Variants in CEP128 observed in about 807,000 individuals in gnomAD.
CEP128 encodes centrosomal protein 128.
CEP128 carries 132 observed loss-of-function variants against 156.7 expected under a neutral mutation model. That is an observed-to-expected ratio of 0.84 (90% CI 0.73 to 0.97). The LOEUF (loss-of-function observed/expected upper bound fraction) is 0.97, where lower values mean the gene tolerates loss of function less well. CEP128 is among the 50% of genes least tolerant of loss of function. The probability of loss-of-function intolerance (pLI) is 0.00; values close to 1 mark genes in which losing one functional copy is unlikely to be tolerated. For missense variants in CEP128, 1,252 were observed against 1,281.9 expected (o/e 0.98, Z 0.36); for synonymous variants, 469 against 448.9 (o/e 1.04, Z -0.57).
chr14:80,701,628 G>A (rs983012216), intron 19 of CEP128, among the ~76,000 whole-genome samples: 2 of 152,080 alleles, frequency 1.3e-5, no homozygotes, highest in African/African-American at 4.8e-5. Flanking sequence ...AGACTAAAAG[G>A]GACCGCTTGA....
chr14:80,571,745 G>C (rs1891146680), intron 20 of CEP128, among the ~76,000 whole-genome samples: 1 of 150,916 alleles, frequency 6.6e-6, no homozygotes, highest in Non-Finnish European at 1.5e-5. Context: ...TGACGAAGAA[G>C]GAAAAAAAAT....
rs1434195784 is a variant in CEP128 at position 80,785,306 on chromosome 14, C to A, written c.1800G>T (p.Lys600Asn). The part of the protein sequence containing the change: ...RLESELKKQS[K>N]IQSQMKVEKA... Reference sequence around the variant, plus strand: ...TCTCAACTTTCATCTGGCTTTGGATCTTACTCTGCTTTTTCAATTCGCTCT... The same window carrying A: ...TCTCAACTTTCATCTGGCTTTGGATATTACTCTGCTTTTTCAATTCGCTCT... The change falls in exon 15 of 25, where the codon AAG (lysine) becomes AAT (asparagine). Residue 600 changes from lysine to asparagine, a missense_variant. Lys to Asn is a moderately conservative substitution (Grantham distance 94). Transcript: ENST00000555265. 1 of 1,614,036 alleles carries A rather than the reference C, an allele frequency of 6.2e-7. No homozygotes were observed. Among genetic ancestry groups the A allele is most frequent in the East Asian group, 2.2e-5 (1 of 44,886 alleles).
intron 19 of CEP128, among the ~76,000 whole-genome samples, chr14:80,639,393 G>A (rs772277102): frequency 5.3e-5 from 8 of 152,060 alleles, no homozygotes; most frequent in Middle Eastern, 3.2e-3. Flanking sequence ...AGAACAAGGC[G>A]GGTATTTACA....
chr14:80,575,481 T>C (rs1405418690), intron 20 of CEP128, among the ~76,000 whole-genome samples: 1 of 152,126 alleles, frequency 6.6e-6, no homozygotes, highest in Non-Finnish European at 1.5e-5. Flanking sequence ...AAAATATGAA[T>C]TTAAATTTCA....
intron 13 of CEP128, among the ~76,000 whole-genome samples, chr14:80,822,043 G>A (rs547438524): frequency 6.6e-5 from 10 of 152,146 alleles, no homozygotes; most frequent in South Asian, 2.1e-4. Context: ...ACCTGCCCCC[G>A]TGATTCAAAT....
At chr14:80,614,180 A>G (rs2140607957) in intron 19 of CEP128, among the ~76,000 whole-genome samples, 1 of 152,346 alleles carries the variant, frequency 6.6e-6, no homozygotes, top group South Asian at 2.1e-4. Context: ...AGAATGAAAA[A>G]AAGGGCACCT....
At chr14:80,720,390 T>C (rs1897770887) in intron 19 of CEP128, among the ~76,000 whole-genome samples, 1 of 152,000 alleles carries the variant, frequency 6.6e-6, no homozygotes, top group East Asian at 1.9e-4. Flanking sequence ...GAGAGGTGAA[T>C]GACAGGAAAG....
chr14:80,918,752 A>T (rs2139517623), intron 2 of CEP128, among the ~76,000 whole-genome samples: 1 of 152,316 alleles, frequency 6.6e-6, no homozygotes, highest in South Asian at 2.1e-4. Flanking sequence ...ATTTCATGTC[A>T]GCATAAAAAT....
rs544142733 is a variant in CEP128 at position 80,576,625 on chromosome 14, G to A, written c.2856+3749C>T. 1.7e-4 allele frequency among the ~76,000 whole-genome samples: 12 copies of A among 71,066 alleles called. No individual in the cohort carries two copies. The East Asian group carries it at 1.9e-3, about 11-fold the overall frequency. The allele number at this position is 71,066 out of a possible 152,430, so 46.6% of individuals were successfully genotyped here. A position where few individuals can be genotyped will look rare whatever the true frequency, so the allele number is the denominator to read the frequency against. On this transcript the variant is annotated intron_variant, in intron 20 of 24. Coordinates refer to ENST00000555265, the MANE Select transcript of CEP128 (RefSeq NM_152446.5). ...ACCACTCATGTGAAATTACTCCGGC[G>A]TGTGTGTGTGTGTGTGTGTGTGTGT...
chr14:80,777,952 G>T lies in CEP128; in HGVS notation c.2306C>A (p.Thr769Asn), dbSNP rs1463582680. 16 of 1,612,158 alleles carry T rather than the reference G, an allele frequency of 9.9e-6. No homozygotes were observed. The Admixed American group carries it at 2.7e-4, about 27-fold the overall frequency. Residue 769 changes from threonine to asparagine, a missense_variant, in exon 16 of 25, where the codon ACC (threonine) becomes AAC (asparagine). Transcript: ENST00000555265. Reference sequence around the variant, plus strand: ...TTTTTTGTTCTCATTTTCATTCTGGGTTAATTCCTCTGTCAGTCTGTCACA... The same window carrying T: ...TTTTTTGTTCTCATTTTCATTCTGGTTTAATTCCTCTGTCAGTCTGTCACA... Reference protein sequence around the residue: ...SQCDRLTEELTQNENENKKLK... With the variant: ...SQCDRLTEELNQNENENKKLK...
intron 8 of CEP128, among the ~76,000 whole-genome samples, chr14:80,886,582 G>A (rs1035586528): frequency 1.3e-5 from 2 of 152,314 alleles, no homozygotes; most frequent in African/African-American, 4.8e-5. Context: ...CAAATGCTGA[G>A]GGATTTTGTC....
chr14:80,832,381 T>C (rs1885852050), intron 12 of CEP128, among the ~76,000 whole-genome samples: 1 of 151,978 alleles, frequency 6.6e-6, no homozygotes, highest in Non-Finnish European at 1.5e-5. Context: ...TCTAGTGGTT[T>C]CCTTTCCAGA....
intron 19 of CEP128, among the ~76,000 whole-genome samples, chr14:80,607,469 A>G (rs1566808069): frequency 6.6e-6 from 1 of 152,222 alleles, no homozygotes; most frequent in African/African-American, 2.4e-5. Context: ...GGAAGACTTT[A>G]AAGTGTTCAC....
chr14:80,682,776 T>C (rs1228082620), intron 19 of CEP128, among the ~76,000 whole-genome samples: 1 of 152,200 alleles, frequency 6.6e-6, no homozygotes, highest in Admixed American at 6.5e-5. Flanking sequence ...CAGGAGAGAT[T>C]GGGGCCTATG....
At chr14:80,583,333 T>C (rs1891667317) in intron 19 of CEP128, among the ~76,000 whole-genome samples, 1 of 152,166 alleles carries the variant, frequency 6.6e-6, no homozygotes, top group Non-Finnish European at 1.5e-5. Flanking sequence ...GTTTTTATTT[T>C]TTTTTTCTTT....
chr14:80,659,577 G>A (rs1184382872), intron 19 of CEP128, among the ~76,000 whole-genome samples: 2 of 152,132 alleles, frequency 1.3e-5, no homozygotes, highest in African/African-American at 4.8e-5. Context: ...TCAGTTGAGA[G>A]TTCGCCCACT....
chr14:80,925,780 T>A (rs4903948), intron 2 of CEP128, among the ~76,000 whole-genome samples: 1 of 151,952 alleles, frequency 6.6e-6, no homozygotes, highest in South Asian at 2.1e-4. Context: ...GTAGTCTACA[T>A]GATAAACCAG....
chr14:80,589,722 A>T (rs562583409), intron 19 of CEP128, among the ~76,000 whole-genome samples: 2 of 152,280 alleles, frequency 1.3e-5, no homozygotes, highest in African/African-American at 4.8e-5. Context: ...GCATGTGCTG[A>T]TATTAACATT....
At chr14:80,775,486 T>C (rs1428262793) in intron 16 of CEP128, among the ~76,000 whole-genome samples, 1 of 152,252 alleles carries the variant, frequency 6.6e-6, no homozygotes, top group Non-Finnish European at 1.5e-5. Flanking sequence ...TTTGCGTGTG[T>C]ATCGTTAAGA....
Sources: gnomAD v4.1 joint callset for allele counts (sites outside exome capture counted in the v4.1 genomes callset) on GRCh38, gnomAD v4.1.1 for gene constraint, MANE v1.5 for transcripts, NCBI Gene and HGNC (gene_info 2026-07-23, HGNC 2026-07-21) for gene names.